OR1L8: variants seen among roughly 807,000 people sequenced by gnomAD.
OR1L8 encodes olfactory receptor family 1 subfamily L member 8.
For synonymous variants in OR1L8, 148 were observed against 147.0 expected, an observed-to-expected ratio of 1.01 and a Z score of -0.05; for missense variants, 330 against 377.4, an observed-to-expected ratio of 0.87 and a Z score of 1.04.
chr9:122,553,195 C>T, the OR1L8 span: 1 of 1,611,704 alleles, frequency 6.2e-7, no homozygotes, highest in Non-Finnish European at 8.5e-7. Context: ...CTGCGCAGAT[C>T]ACACGAACTA....
the OR1L8 span, chr9:122,553,672 TAACC>T: frequency 6.2e-7 from 1 of 1,614,016 alleles, no homozygotes; most frequent in Non-Finnish European, 8.5e-7. Flanking sequence ...TGCTGGGTGC[TAACC>T]AACTGTCCTG....
In OR1L8 at chr9:122,579,048, T is replaced by A. The variant is rs72616638; in HGVS notation, c.-599-603A>T. Among the ~76,000 whole-genome samples the A allele has an allele frequency of 0.023, 3,417 of 150,506 alleles. 223 individuals are homozygous for A. In the East Asian group the frequency reaches 0.26, roughly 12 times the overall value. On this transcript the variant is annotated intron_variant, in intron 1 of 4. Transcript: ENST00000641027. The stretch of plus-strand genomic sequence containing the variant: ...AAAACCTACTGAAATTAAAAAAAAA[T>A]AGAAAGTCATTAAAAAAGAAGAAAG...
the OR1L8 span, among the ~76,000 whole-genome samples, chr9:122,558,058 T>A: frequency 1.3e-5 from 2 of 152,038 alleles, no homozygotes; most frequent in African/African-American, 2.4e-5. Flanking sequence ...GTGATTTTTT[T>A]ATTCATTTCT....
chr9:122,568,125 A>C lies in OR1L8; in HGVS notation c.353T>G (p.Val118Gly). The C allele has an allele frequency of 6.2e-7, 1 of 1,614,094 alleles. No homozygotes were observed. The highest frequency in any genetic ancestry group is 2.2e-5 in the East Asian group (1 of 44,882). Residue 118 changes from valine (V) to glycine (G), a missense_variant, in exon 5 of 5, where the codon GTC (valine) becomes GGC (glycine). Physicochemically the swap from Val to Gly is moderately radical, Grantham distance 109 (BLOSUM62 -3). Transcript: ENST00000641027. ...LGNSDSCLLAVMAFDRYVAVC... is the reference protein window; with the variant it reads ...LGNSDSCLLAGMAFDRYVAVC... ...GGCCACATAGCGGTCAAAGGCCATG[A>C]CTGCCAGAAGGCAGCTGTCACTGTT...
intron 3 of OR1L8, among the ~76,000 whole-genome samples, chr9:122,576,232 T>A (rs954344357): frequency 6.6e-6 from 1 of 152,038 alleles, no homozygotes; most frequent in African/African-American, 2.4e-5. Context: ...CATTTTTTTT[T>A]ATTTTTTAAG....
At chr9:122,578,946 T>TA (rs1416176025) in intron 1 of OR1L8, among the ~76,000 whole-genome samples, 16 of 146,566 alleles carry the variant, frequency 1.1e-4, no homozygotes, top group East Asian at 6.2e-4. Flanking sequence ...AACCTAAAAT[T>TA]AAAAAAAATT....
At chr9:122,579,364 G>T (rs1262419714) in intron 1 of OR1L8, among the ~76,000 whole-genome samples, 2 of 152,022 alleles carry the variant, frequency 1.3e-5, no homozygotes, top group Admixed American at 1.3e-4. Context: ...TAAAAATTTT[G>T]CACTAACTTT....
chr9:122,559,378 G>A, the OR1L8 span, among the ~76,000 whole-genome samples: 1 of 151,954 alleles, frequency 6.6e-6, no homozygotes, highest in African/African-American at 2.4e-5. Flanking sequence ...AGGTATATGT[G>A]TGCCATAGTG....
chr9:122,558,681 G>T, the OR1L8 span, among the ~76,000 whole-genome samples: 1 of 151,224 alleles, frequency 6.6e-6, no homozygotes, highest in South Asian at 2.1e-4. Context: ...ATAATAGATG[G>T]ATATATGTAT....
At chr9:122,572,095 C>T (rs1378392280) in intron 4 of OR1L8, among the ~76,000 whole-genome samples, 1 of 152,162 alleles carries the variant, frequency 6.6e-6, no homozygotes, top group Non-Finnish European at 1.5e-5. Flanking sequence ...GGAGGCGCTA[C>T]ACACTTTTTA....
chr9:122,554,078 C>A, the OR1L8 span: 3 of 1,613,228 alleles, frequency 1.9e-6, no homozygotes, highest in Non-Finnish European at 2.5e-6. Flanking sequence ...CCACGCTAAA[C>A]CCATTCATTT....
At chr9:122,555,670 T>C in the OR1L8 span, among the ~76,000 whole-genome samples, 100 of 152,324 alleles carry the variant, frequency 6.6e-4, no homozygotes, top group African/African-American at 2.4e-3. Context: ...TTGAAATTTG[T>C]AGGGCAGGCT....
At chr9:122,580,743 C>T (rs1829729810) in intron 1 of OR1L8, among the ~76,000 whole-genome samples, 1 of 152,168 alleles carries the variant, frequency 6.6e-6, no homozygotes, top group South Asian at 2.1e-4. Flanking sequence ...TGTGATAAGA[C>T]TGTGCTGGTG....
the OR1L8 span, among the ~76,000 whole-genome samples, chr9:122,546,795 T>G: frequency 6.6e-6 from 1 of 152,196 alleles, no homozygotes; most frequent in Non-Finnish European, 1.5e-5. Context: ...CTGTCAATTT[T>G]GAAAACAAAA....
At chr9:122,578,132 T>C (rs750525309) in intron 2 of OR1L8, among the ~76,000 whole-genome samples, 192 bp downstream of exon 2, 72 of 152,292 alleles carry the variant, frequency 4.7e-4, no homozygotes, top group Middle Eastern at 3.4e-3. Flanking sequence ...ATCCCACTAC[T>C]GGATATCCAC....
At chr9:122,561,776 A>C in the OR1L8 span, among the ~76,000 whole-genome samples, 5 of 152,062 alleles carry the variant, frequency 3.3e-5, no homozygotes, top group Non-Finnish European at 7.4e-5. Context: ...TTCTGTATAA[A>C]ATGTCTGACA....
chr9:122,581,753 C>A (rs1267487566), intron 1 of OR1L8, among the ~76,000 whole-genome samples: 2 of 151,952 alleles, frequency 1.3e-5, no homozygotes, highest in Admixed American at 1.3e-4. Context: ...TTGAGACCAG[C>A]CTGGCCAACA....
the OR1L8 span, chr9:122,553,848 C>T: frequency 1.9e-6 from 3 of 1,613,912 alleles, no homozygotes; most frequent in Non-Finnish European, 2.5e-6. Flanking sequence ...CCTCACTGTT[C>T]CCCTCCTGCT....
the OR1L8 span, among the ~76,000 whole-genome samples, chr9:122,548,158 A>C: frequency 6.6e-5 from 10 of 152,226 alleles, no homozygotes; most frequent in African/African-American, 2.4e-4. Flanking sequence ...GCCTTAAGGA[A>C]ATGAAGATCC....
Sources: allele counts gnomAD v4.1 joint callset (sites outside exome capture counted in the v4.1 genomes callset), GRCh38; gene constraint gnomAD v4.1.1; transcripts MANE v1.5; gene names NCBI Gene and HGNC (gene_info 2026-07-23, HGNC 2026-07-21).